The following ARHGEF28 variants were observed in gnomAD, a reference collection of about 807,000 sequenced individuals.
The protein encoded by ARHGEF28 is Rho guanine nucleotide exchange factor 28.
In ARHGEF28, 152 loss-of-function variants were observed where a neutral mutation model predicts 206.6. The observed-to-expected ratio is 0.74, with a 90% CI of 0.64 to 0.84. The LOEUF is 0.84. ARHGEF28 is among the 40% of genes least tolerant of loss of function. ARHGEF28 has a pLI of 0.00. For synonymous variants in ARHGEF28, 763 were observed against 776.4 expected (o/e 0.98, Z 0.29); for missense variants, 2,028 against 2,073.2 (o/e 0.98, Z 0.42).
Position 73,870,221 on chromosome 5 carries a change from A to G in ARHGEF28, c.2566+12A>G. 6.2e-7 allele frequency: 1 copy of G among 1,611,634 alleles called. No individual in the cohort carries two copies. ...GGATGTCATTTTTGGTAAGCGTTTC[A>G]AATATGCTCTTTGGGTTGAAGCAGT... On this transcript the variant is annotated intron_variant, in intron 21 of 35. Transcript: ENST00000513042.
At chr5:73,862,653 C>A (rs1208392626) in intron 16 of ARHGEF28, among the ~76,000 whole-genome samples, 1 of 151,912 alleles carries the variant, frequency 6.6e-6, no homozygotes, top group African/African-American at 2.4e-5. Flanking sequence ...CTTTTTATTT[C>A]CCTTATGTTT....
chr5:73,900,730 T>C (rs1268073352), intron 30 of ARHGEF28: 1 of 154,246 alleles, frequency 6.5e-6, no homozygotes, highest in African/African-American at 2.4e-5. Flanking sequence ...TCCTAAACCT[T>C]GTTTATCGTC....
At chr5:73,852,718 T>C (rs773785254) in intron 14 of ARHGEF28, 26 bp downstream of exon 14, 1 of 1,609,548 alleles carries the variant, frequency 6.2e-7, no homozygotes, top group Non-Finnish European at 8.5e-7. Context: ...CCAATTTTCC[T>C]GAGGAACTGC....
At chr5:73,692,307 C>G (rs1747882596) in intron 2 of ARHGEF28, among the ~76,000 whole-genome samples, 1 of 152,002 alleles carries the variant, frequency 6.6e-6, no homozygotes, top group Admixed American at 6.6e-5. Context: ...TCCCTTCCAC[C>G]CTTCTGAGGT....
chr5:73,755,183 TTATA>T (rs1346440692), intron 4 of ARHGEF28, among the ~76,000 whole-genome samples: 3 of 151,636 alleles, frequency 2.0e-5, no homozygotes, highest in Non-Finnish European at 4.4e-5. Context: ...ATATATAAAT[TTATA>T]TATCTATGAT....
intron 2 of ARHGEF28, among the ~76,000 whole-genome samples, chr5:73,726,156 ATGTGTGCCTG>A (rs1750258530): frequency 6.6e-6 from 1 of 152,160 alleles, no homozygotes; most frequent in Non-Finnish European, 1.5e-5. Context: ...GTGTGTGCAT[ATGTGTGCCTG>A]TGTGTGCACA....
At chr5:73,925,511 TAGG>T (rs760012306) in intron 35 of ARHGEF28, among the ~76,000 whole-genome samples, 37 of 152,324 alleles carry the variant, frequency 2.4e-4, no homozygotes, top group Non-Finnish European at 4.3e-4. Flanking sequence ...ATAATTTACA[TAGG>T]GGGAAATGCT....
Position 73,815,303 on chromosome 5 carries a change from A to G in ARHGEF28, c.1025-17035A>G, listed in dbSNP as rs1035234665. 3.3e-5 allele frequency among the ~76,000 whole-genome samples: 5 copies of G among 150,416 alleles called. No individual in the cohort carries two copies. The South Asian group carries it at 6.3e-4, about 19-fold the overall frequency. Reference sequence around the variant, plus strand: ...ATATGTAAATCTGGGTAAATAGTATATATTGCTATTTTTTTGTGCTGCTGT... The same window carrying G: ...ATATGTAAATCTGGGTAAATAGTATGTATTGCTATTTTTTTGTGCTGCTGT... On this transcript the variant is annotated intron_variant, in intron 9 of 35. Coordinates refer to ENST00000513042, the MANE Select transcript of ARHGEF28 (RefSeq NM_001177693.2).
chr5:73,885,471 T>C (rs906549157), intron 24 of ARHGEF28, among the ~76,000 whole-genome samples: 3 of 150,294 alleles, frequency 2.0e-5, no homozygotes, highest in Non-Finnish European at 2.9e-5. Flanking sequence ...ATTATAGGAT[T>C]TAATTTTTTT....
chr5:73,648,134 G>A (rs1179421898), intron 1 of ARHGEF28, among the ~76,000 whole-genome samples: 1 of 152,168 alleles, frequency 6.6e-6, no homozygotes, highest in Non-Finnish European at 1.5e-5. Context: ...TGGGGGGATG[G>A]ATTTACTTTG....
chr5:73,902,364 A>G (rs866311239), intron 31 of ARHGEF28: 2 of 152,146 alleles, frequency 1.3e-5, no homozygotes, highest in Non-Finnish European at 2.9e-5. Context: ...GAAAAGAGAG[A>G]GTGAATTGGA....
chr5:73,794,342 T>G, intron 7 of ARHGEF28, 60 bp from the exon 8 acceptor site: 1 of 1,406,048 alleles, frequency 7.1e-7, no homozygotes, highest in Non-Finnish European at 9.8e-7. Flanking sequence ...CAGCTAGTAG[T>G]TGTTGTTCTT....
chr5:73,888,949 T>G (rs1761463323), intron 26 of ARHGEF28, among the ~76,000 whole-genome samples: 1 of 152,228 alleles, frequency 6.6e-6, no homozygotes, highest in Non-Finnish European at 1.5e-5. Context: ...GACATGTAAC[T>G]GCATTCATAA....
chr5:73,882,041 G>T (rs72772575), intron 22 of ARHGEF28, among the ~76,000 whole-genome samples: 5,808 of 150,584 alleles, frequency 0.039, 179 homozygotes, highest in Non-Finnish European at 0.053. Context: ...TGATTTTTTT[G>T]GGGGGGAGGT....
chr5:73,740,192 AAAAG>A (rs1286740365), intron 2 of ARHGEF28, among the ~76,000 whole-genome samples: 7 of 151,616 alleles, frequency 4.6e-5, no homozygotes, highest in African/African-American at 9.7e-5. Flanking sequence ...AAAAAAAAAA[AAAAG>A]AAGGAGAAGC....
chr5:73,924,221 A>C (rs1317380695), intron 35 of ARHGEF28, among the ~76,000 whole-genome samples: 2 of 152,204 alleles, frequency 1.3e-5, no homozygotes, highest in South Asian at 4.1e-4. Flanking sequence ...GAATGGATGA[A>C]CACATCAAGT....
chr5:73,872,241 A>G (rs1174509906), intron 21 of ARHGEF28, among the ~76,000 whole-genome samples: 5 of 152,068 alleles, frequency 3.3e-5, no homozygotes, highest in African/African-American at 7.2e-5. Flanking sequence ...TAGCTAATGG[A>G]GTTGAGCATC....
intron 2 of ARHGEF28, among the ~76,000 whole-genome samples, chr5:73,721,676 G>C (rs1045055390): frequency 6.6e-6 from 1 of 152,078 alleles, no homozygotes; most frequent in Non-Finnish European, 1.5e-5. Context: ...GGGCTCAAGG[G>C]ATCCTCCCAC....
At chr5:73,869,986 G>A (rs1377098690) in intron 20 of ARHGEF28, 83 bp from the exon 21 acceptor site, 1 of 1,474,682 alleles carries the variant, frequency 6.8e-7, no homozygotes, top group East Asian at 2.3e-5. Flanking sequence ...TATTTAGGGT[G>A]AGGAATCCAT....
Sources: allele counts gnomAD v4.1 joint callset (sites outside exome capture counted in the v4.1 genomes callset), GRCh38; gene constraint gnomAD v4.1.1; transcripts MANE v1.5; gene names NCBI Gene and HGNC (gene_info 2026-07-23, HGNC 2026-07-21).